EPHB1: variants seen among roughly 807,000 people sequenced by gnomAD.
The protein encoded by EPHB1 is EPH receptor B1, also known as ephrin type-B receptor 1.
Under a neutral mutation model 94.4 loss-of-function variants are expected in EPHB1, and 30 were observed. The ratio of observed to expected loss-of-function variants is 0.32; its 90% CI spans 0.24 to 0.43. EPHB1 has a LOEUF of 0.43. EPHB1 is among the 20% of genes least tolerant of loss of function. EPHB1 has a pLI of 1.00. For missense variants in EPHB1, 1,055 were observed against 1,308.3 expected (o/e 0.81, Z 2.99); for synonymous variants, 522 against 489.1 (o/e 1.07, Z -0.89).
intron 12 of EPHB1, among the ~76,000 whole-genome samples, chr3:135,206,806 G>T (rs112927006): frequency 6.6e-6 from 1 of 151,920 alleles, no homozygotes; most frequent in East Asian, 1.9e-4. Flanking sequence ...CCAAGATTGC[G>T]CCATTGCACT....
At chr3:135,213,409 T>G (rs1943074739) in intron 12 of EPHB1, among the ~76,000 whole-genome samples, 1 of 152,248 alleles carries the variant, frequency 6.6e-6, no homozygotes, top group Non-Finnish European at 1.5e-5. Context: ...CAGGTATATT[T>G]CTGAATGTCG....
At chr3:134,955,105 A>AT (rs1174011769) in intron 3 of EPHB1, among the ~76,000 whole-genome samples, 6 of 24,134 alleles carry the variant, frequency 2.5e-4, no homozygotes, top group East Asian at 8.2e-4. Flanking sequence ...TTTTTTTTTA[A>AT]TTTTTTTTTT....
intron 1 of EPHB1, among the ~76,000 whole-genome samples, chr3:134,861,840 C>T (rs577218414): frequency 6.6e-6 from 1 of 151,994 alleles, no homozygotes; most frequent in African/African-American, 2.4e-5. Context: ...ATGTAACAAA[C>T]CTGCATGTCC....
intron 5 of EPHB1, among the ~76,000 whole-genome samples, chr3:135,133,842 A>G (rs1230932765): frequency 6.6e-6 from 1 of 152,182 alleles, no homozygotes; most frequent in Non-Finnish European, 1.5e-5. Context: ...CAATTTAACG[A>G]GTCCGTTCAT....
chr3:135,209,760 T>C (rs1481113114), intron 12 of EPHB1, among the ~76,000 whole-genome samples: 1 of 152,194 alleles, frequency 6.6e-6, no homozygotes, highest in Non-Finnish European at 1.5e-5. Context: ...CTTTTATAGA[T>C]ATTTGAAGTT....
chr3:135,258,318 A>G (rs1431997747), intron 15 of EPHB1, among the ~76,000 whole-genome samples: 1 of 152,198 alleles, frequency 6.6e-6, no homozygotes, highest in African/African-American at 2.4e-5. Context: ...TTTAAATGAG[A>G]TAGTGTATGG....
intron 3 of EPHB1, among the ~76,000 whole-genome samples, chr3:135,055,495 G>T (rs914381964): frequency 2.0e-5 from 3 of 152,182 alleles, no homozygotes; most frequent in Non-Finnish European, 4.4e-5. Context: ...AGATAAGGTG[G>T]TTGGCCCTTG....
intron 3 of EPHB1, among the ~76,000 whole-genome samples, chr3:135,016,658 A>T (rs2107751852): frequency 6.6e-6 from 1 of 152,118 alleles, no homozygotes; most frequent in South Asian, 2.1e-4. Flanking sequence ...AGGCCTAAAG[A>T]CCCACCCTGG....
At chr3:134,961,824 C>T (rs1031100808) in intron 3 of EPHB1, among the ~76,000 whole-genome samples, 9 of 152,170 alleles carry the variant, frequency 5.9e-5, no homozygotes, top group South Asian at 2.1e-4. Context: ...TGTTTTCTCT[C>T]TTTTGCTGTT....
chr3:134,924,605 A>G (rs907664001), intron 1 of EPHB1, among the ~76,000 whole-genome samples: 2 of 152,220 alleles, frequency 1.3e-5, no homozygotes, highest in African/African-American at 2.4e-5. Flanking sequence ...CAATGAAAAT[A>G]TGGAGGAACT....
At chr3:135,254,817 T>A (rs1195340314) in intron 15 of EPHB1, among the ~76,000 whole-genome samples, 2 of 152,202 alleles carry the variant, frequency 1.3e-5, no homozygotes, top group South Asian at 2.1e-4. Context: ...GTACCTCTGA[T>A]AGAATTCGGC....
intron 1 of EPHB1, chr3:134,840,662 T>G (rs947349276): frequency 6.6e-6 from 1 of 152,222 alleles, no homozygotes; most frequent in Non-Finnish European, 1.5e-5. Context: ...GAAAATTTTA[T>G]GAAGTTGTTT....
chr3:134,915,558 G>A (rs956661912), intron 1 of EPHB1, among the ~76,000 whole-genome samples: 4 of 152,170 alleles, frequency 2.6e-5, no homozygotes, highest in South Asian at 2.1e-4. Context: ...ATGAAGCCAC[G>A]GACCCTTGTG....
chr3:135,003,214 G>T (rs982486305), intron 3 of EPHB1, among the ~76,000 whole-genome samples: 1 of 150,534 alleles, frequency 6.6e-6, no homozygotes, highest in Non-Finnish European at 1.5e-5. Flanking sequence ...ATTTCGTTAC[G>T]TACCCAGTAG....
intron 3 of EPHB1, among the ~76,000 whole-genome samples, chr3:135,096,335 C>T (rs1938759750): frequency 6.6e-6 from 1 of 152,190 alleles, no homozygotes; most frequent in Non-Finnish European, 1.5e-5. Flanking sequence ...TTTTCAGACT[C>T]CATGTTTGCA....
intron 3 of EPHB1, among the ~76,000 whole-genome samples, chr3:134,964,574 G>A (rs1425771039): frequency 6.6e-6 from 1 of 152,198 alleles, no homozygotes; most frequent in Non-Finnish European, 1.5e-5. Flanking sequence ...TGGCAAAAAT[G>A]TGCCTGTTCT....
At chr3:135,061,368 A>ACCCCCCCCCCCCCCCCCC (rs34282243) in intron 3 of EPHB1, among the ~76,000 whole-genome samples, 3 of 111,372 alleles carry the variant, frequency 2.7e-5, no homozygotes, top group Admixed American at 1.0e-4. Context: ...AGGAATGACC[A>ACCCCCCCCCCCCCCCCCC]CCCCCCCCGA....
At chr3:134,824,348 G>A (rs2108291076) in intron 1 of EPHB1, among the ~76,000 whole-genome samples, 1 of 152,210 alleles carries the variant, frequency 6.6e-6, no homozygotes, top group African/African-American at 2.4e-5. Flanking sequence ...ACTCTGCTGG[G>A]CACAGTGCCA....
chr3:134,976,134 C>T (rs1934185340), intron 3 of EPHB1, among the ~76,000 whole-genome samples: 1 of 152,200 alleles, frequency 6.6e-6, no homozygotes, highest in Non-Finnish European at 1.5e-5. Flanking sequence ...TCCACACACA[C>T]ACCCCTGCTC....
Sources: gnomAD v4.1 joint callset for allele counts (sites outside exome capture counted in the v4.1 genomes callset) on GRCh38, gnomAD v4.1.1 for gene constraint, MANE v1.5 for transcripts, NCBI Gene and HGNC (gene_info 2026-07-23, HGNC 2026-07-21) for gene names.